COL1A2: variants seen among roughly 807,000 people sequenced by gnomAD.
COL1A2 encodes the protein collagen alpha-2(I) chain.
A neutral mutation model predicts 174.3 loss-of-function variants in COL1A2; 49 were observed. The observed-to-expected ratio is 0.28, with a 90% confidence interval of 0.22 to 0.36. The LOEUF (loss-of-function observed/expected upper bound fraction) is 0.36. Among genes scored for constraint, COL1A2 ranks in the 10% least tolerant of loss-of-function variants. COL1A2 has a pLI of 1.00. For synonymous variants in COL1A2, 655 were observed against 606.6 expected (o/e 1.08, Z -1.17); for missense variants, 1,438 against 1,822.7 (o/e 0.79, Z 3.84).
intron 1 of COL1A2, among the ~76,000 whole-genome samples, chr7:94,396,314 T>TTG (rs60833112): frequency 0.052 from 7,776 of 149,702 alleles, 577 homozygotes; most frequent in African/African-American, 0.17. Context: ...ATTTGTGTGC[T>TTG]TGTGTGTGTG....
chr7:94,416,633 A>T, intron 31 of COL1A2, 130 bp downstream of exon 31: 1 of 721,986 alleles, frequency 1.4e-6, no homozygotes, highest in Non-Finnish European at 2.4e-6. Context: ...CTTCCCTCTC[A>T]GTAAACAGCA....
At chr7:94,421,708 A>C (rs1792167654) in intron 38 of COL1A2, among the ~76,000 whole-genome samples, 191 bp from the exon 39 acceptor site, 2 of 147,572 alleles carry the variant, frequency 1.4e-5, no homozygotes, top group African/African-American at 4.9e-5. Flanking sequence ...TATGCTGGTA[A>C]GGAAGATGTG....
rs1791795919 is a variant in COL1A2, at chr7:94,406,318, A to G, written c.594+15A>G. 5 of 1,613,402 alleles carry G rather than the reference A, an allele frequency of 3.1e-6. No individual in the cohort carries two copies. Among genetic ancestry groups the G allele is most frequent in the Non-Finnish European group, 4.2e-6 (5 of 1,179,334 alleles). ...CTGGTGTGAAGGTAAATATTAAATT[A>G]GAAGCACTGTTTTTAAGCACTTGAT... On this transcript the variant is annotated intron_variant, in intron 12 of 51. Transcript: ENST00000297268.
chr7:94,430,603 T>A lies in COL1A2; in HGVS notation c.*210T>A, dbSNP rs756941502. 24 of 582,454 alleles carry A rather than the reference T, an allele frequency of 4.1e-5. No homozygotes were observed. Among genetic ancestry groups the A allele is most frequent in the Non-Finnish European group, 6.0e-5 (20 of 335,894 alleles). The allele number at this position is 582,454 out of a possible 1,614,324, so 36.1% of individuals were successfully genotyped here. ...CTCCTTCCCCCGCTCCCCCAAAAATTTGAATTTTTTTTTCAACACTCTTAC... is the reference window on the plus strand; with the variant it reads ...CTCCTTCCCCCGCTCCCCCAAAAATATGAATTTTTTTTTCAACACTCTTAC... On this transcript the variant is annotated 3_prime_UTR_variant, in exon 52 of 52. Transcript: ENST00000297268.
intron 11 of COL1A2, among the ~76,000 whole-genome samples, chr7:94,405,981 C>G (rs1791785720): frequency 6.6e-6 from 1 of 152,130 alleles, no homozygotes; most frequent in Admixed American, 6.5e-5. Context: ...TGAGTATTTA[C>G]AACCGTCTGA....
rs1488358054 is a variant in COL1A2 at position 94,416,381 on chromosome 7, ACTT to A, written c.1765-18_1765-16del. ...CACTGAAAGTGATGAATGGTGCAAC[ACTT>A]CTTCTAATCACTTTTTTCAGGGGGA... On this transcript the variant is annotated intron_variant, in intron 30 of 51. Coordinates refer to ENST00000297268, the MANE Select transcript of COL1A2 (RefSeq NM_000089.4). 11 of 1,542,048 alleles carry A rather than the reference ACTT, an allele frequency of 7.1e-6. No homozygotes were observed. The African/African-American group carries it at 9.6e-5, about 13-fold the overall frequency.
chr7:94,413,784 T>C (rs1791981687), intron 27 of COL1A2, 41 bp downstream of exon 27: 3 of 1,612,154 alleles, frequency 1.9e-6, no homozygotes, highest in African/African-American at 1.3e-5. Context: ...TGCACTAGAA[T>C]GTATATAGTC....
At chr7:94,417,887 C>T in intron 32 of COL1A2, 56 bp downstream of exon 32, 1 of 1,384,822 alleles carries the variant, frequency 7.2e-7, no homozygotes, top group South Asian at 1.2e-5. Context: ...GAAGGCTGCA[C>T]AAGGATGCCC....
intron 39 of COL1A2, chr7:94,422,466 G>A (rs1792185921): frequency 1.2e-5 from 2 of 162,644 alleles, no homozygotes; most frequent in Non-Finnish European, 1.3e-5. Context: ...CCTTTTACAG[G>A]TTCATAACAG....
chr7:94,410,508 C>G lies in COL1A2; in HGVS notation c.1178C>G (p.Pro393Arg). ...GGGGAAGCTGGATCTGCCGGCCCTC[C>G]AGGACCTCCTGGGCTGAGAGTAGGT... Reference protein sequence around the residue: ...PNGEAGSAGPPGPPGLRGSPG... With the variant: ...PNGEAGSAGPRGPPGLRGSPG... The change falls in exon 21 of 52, where the codon CCA (proline) becomes CGA (arginine). Residue 393 changes from proline (P) to arginine (R), a missense_variant. By Grantham distance (103) the Pro-to-Arg change is moderately radical. Transcript: ENST00000297268. 6.5e-7 allele frequency: 1 copy of G among 1,549,772 alleles called. No homozygotes were observed. The highest frequency in any genetic ancestry group is 1.2e-5 in the South Asian group (1 of 83,972).
rs542937921 is a variant in COL1A2, at chr7:94,430,575, T to C, written c.*182T>C. 1.3e-5 allele frequency: 9 copies of C among 667,154 alleles called. No homozygotes were observed. In the African/African-American group the frequency reaches 1.6e-4, roughly 12 times the overall value. 41.3% of individuals were successfully genotyped at this position (667,154 alleles called of 1,614,324 possible). On this transcript the variant is annotated 3_prime_UTR_variant, in exon 52 of 52. Transcript: ENST00000297268. ...AGAGCATTGTGCAATACAGTTTCAT[T>C]AACTCCTTCCCCCGCTCCCCCAAAA...
intron 30 of COL1A2, among the ~76,000 whole-genome samples, chr7:94,415,915 C>T (rs1425142309): frequency 6.6e-6 from 1 of 151,854 alleles, no homozygotes; most frequent in Non-Finnish European, 1.5e-5. Flanking sequence ...TATATATATA[C>T]ACAAATACAT....
chr7:94,429,875 G>T (rs1584333239), intron 51 of COL1A2: 1 of 268,694 alleles, frequency 3.7e-6, no homozygotes, highest in East Asian at 8.6e-5. Context: ...ATAAATATAA[G>T]AAAAATTAAA....
In COL1A2 at chr7:94,429,227, G is replaced by A. The variant is rs1792349542; in HGVS notation, c.3751G>A (p.Ala1251Thr). The A allele has an allele frequency of 1.2e-6, 2 of 1,612,872 alleles. No homozygotes were observed. The highest frequency in any genetic ancestry group is 3.3e-4 in the Middle Eastern group (2 of 6,056). The change falls in exon 51 of 52, where the codon GCT becomes ACT. Residue 1251 changes from alanine to threonine, a missense_variant. Physicochemically the swap from Ala to Thr is moderately conservative, Grantham distance 58 (BLOSUM62 0). Around this residue, in one of 3 missense-constraint regions of COL1A2, gnomAD observed 290 missense variants for 298.1 expected, o/e 0.97. Coordinates refer to ENST00000297268, the MANE Select transcript of COL1A2 (RefSeq NM_000089.4). ...NVEGVTSKEM[A>T]TQLAFMRLLA... ...AGAAGGAGTGACTTCCAAGGAAATG[G>A]CTACCCAACTTGCCTTCATGCGCCT...
At chr7:94,420,353 G>T in intron 35 of COL1A2, 38 bp from the exon 36 acceptor site, 4 of 1,614,132 alleles carry the variant, frequency 2.5e-6, no homozygotes, top group Non-Finnish European at 3.4e-6. Context: ...ATGAACCTAG[G>T]ATTGATAACA....
chr7:94,420,158 T>A, intron 34 of COL1A2, 75 bp from the exon 35 acceptor site: 2 of 1,591,334 alleles, frequency 1.3e-6, no homozygotes, highest in South Asian at 2.2e-5. Context: ...TGTCCACCAC[T>A]GTTCTCTCTC....
rs146938454 is a variant in COL1A2 at position 94,396,984 on chromosome 7, G to T, written c.71-764G>T. 4.2e-3 allele frequency among the ~76,000 whole-genome samples: 646 copies of T among 152,176 alleles called. 1 individual carries two copies. Among genetic ancestry groups the T allele is most frequent in the Non-Finnish European group, 6.4e-3 (434 of 68,002 alleles). On this transcript the variant is annotated intron_variant, in intron 1 of 51. Coordinates refer to ENST00000297268, the MANE Select transcript of COL1A2 (RefSeq NM_000089.4). ...TTATAACAATTATGGCAAAAGGGGG[G>T]ATAGTACTTTTGTTTATTTTTTCTA...
chr7:94,408,954 G>A, intron 16 of COL1A2, 131 bp downstream of exon 16: 1 of 904,396 alleles, frequency 1.1e-6, no homozygotes, highest in South Asian at 1.4e-5. Context: ...CCTTCAAAAT[G>A]GACATAGAAT....
At chr7:94,413,192 C>CTTTT in intron 26 of COL1A2, 56 bp downstream of exon 26, 1 of 1,347,560 alleles carries the variant, frequency 7.4e-7, no homozygotes, top group South Asian at 1.3e-5. Context: ...AAGAACCACA[C>CTTTT]TTTTTTTTTT....
Sources: gnomAD v4.1 joint callset for allele counts (sites outside exome capture counted in the v4.1 genomes callset) on GRCh38, gnomAD v4.1.1 for gene constraint, gnomAD v4.1.1 regional missense constraint, MANE v1.5 for transcripts, NCBI Gene and HGNC (gene_info 2026-07-23, HGNC 2026-07-21) for gene names.